KIAA0232: variants seen among roughly 807,000 people sequenced by gnomAD.
KIAA0232 encodes the protein KIAA0232.
A neutral mutation model predicts 122.0 loss-of-function variants in KIAA0232; 27 were observed. The observed-to-expected ratio is 0.22, with a 90% confidence interval of 0.16 to 0.31. KIAA0232 has a LOEUF of 0.31. KIAA0232 is among the 10% of genes least tolerant of loss of function. The pLI, the probability that KIAA0232 is intolerant of heterozygous loss-of-function variation, is 1.00. For synonymous variants in KIAA0232, 613 were observed against 587.6 expected (o/e 1.04, Z -0.63); for missense variants, 1,551 against 1,634.2 (o/e 0.95, Z 0.88).
At chr4:6,853,875 G>T (rs1040509435) in intron 4 of KIAA0232, among the ~76,000 whole-genome samples, 22 of 152,208 alleles carry the variant, frequency 1.4e-4, no homozygotes, top group African/African-American at 4.8e-4. Context: ...CCCTCATGAA[G>T]TAATAGGACA....
intron 3 of KIAA0232, among the ~76,000 whole-genome samples, chr4:6,841,776 A>G (rs1406577967): frequency 6.6e-6 from 1 of 152,250 alleles, no homozygotes; most frequent in Non-Finnish European, 1.5e-5. Flanking sequence ...ACCAAAAACT[A>G]TAAAGCATCT....
At chr4:6,795,692 A>T (rs774241768) in intron 1 of KIAA0232, among the ~76,000 whole-genome samples, 6 of 152,182 alleles carry the variant, frequency 3.9e-5, no homozygotes, top group Non-Finnish European at 7.4e-5. Flanking sequence ...TCCCAGGCTC[A>T]AGTAGTCCTC....
chr4:6,798,079 A>G (rs1236885314), intron 1 of KIAA0232, among the ~76,000 whole-genome samples: 1 of 151,994 alleles, frequency 6.6e-6, no homozygotes, highest in Admixed American at 6.6e-5. Flanking sequence ...AAAGAGAGAC[A>G]TAAAAATGTT....
rs750034340 is a variant in KIAA0232 at position 6,861,333 on chromosome 4, C to A, written c.951C>A (p.His317Gln). ...KASMKYVKVR[H>Q]KAREIRNKKG... ...CCATGAAGTATGTTAAAGTAAGACA[C>A]AAGGCACGAGAGATTCGAAACAAAA... Residue 317 changes from histidine (H) to glutamine (Q), a missense_variant, in exon 7 of 10, where the codon CAC becomes CAA. His to Gln is a conservative substitution (Grantham distance 24, BLOSUM62 0). Transcript: ENST00000307659. 3 of 1,614,016 alleles carry A rather than the reference C, an allele frequency of 1.9e-6. No homozygotes were observed. The highest frequency in any genetic ancestry group is 2.2e-5 in the South Asian group (2 of 91,072).
At chr4:6,859,100 T>TAAA (rs34866239) in intron 6 of KIAA0232, among the ~76,000 whole-genome samples, 7 of 106,268 alleles carry the variant, frequency 6.6e-5, no homozygotes, top group East Asian at 2.6e-4. Flanking sequence ...TCTGTCTTAT[T>TAAA]AAAAAAAAAA....
At chr4:6,783,436 G>C (rs1241015393) in intron 1 of KIAA0232, among the ~76,000 whole-genome samples, 19 of 152,202 alleles carry the variant, frequency 1.2e-4, no homozygotes, top group Non-Finnish European at 2.2e-4. Context: ...GCTTAGACTT[G>C]ATAGGACGTA....
At chr4:6,875,683 G>T (rs1721713258) in intron 8 of KIAA0232, among the ~76,000 whole-genome samples, 1 of 152,210 alleles carries the variant, frequency 6.6e-6, no homozygotes, top group Non-Finnish European at 1.5e-5. Flanking sequence ...TGTGGCAGGG[G>T]ATGGGGGGTG....
At chr4:6,860,468 AC>A (rs1720794429) in intron 6 of KIAA0232, among the ~76,000 whole-genome samples, 1 of 152,340 alleles carries the variant, frequency 6.6e-6, no homozygotes, top group East Asian at 1.9e-4. Context: ...TCATAGGATC[AC>A]CATTTTGCAG....
At chr4:6,813,386 G>A (rs1381335644) in intron 2 of KIAA0232, among the ~76,000 whole-genome samples, 22 of 148,942 alleles carry the variant, frequency 1.5e-4, no homozygotes, top group African/African-American at 5.2e-4. Context: ...TTTTTGAGAC[G>A]GAGTCTCGCT....
intron 4 of KIAA0232, among the ~76,000 whole-genome samples, chr4:6,842,748 G>A (rs958671441): frequency 6.6e-6 from 1 of 152,008 alleles, no homozygotes; most frequent in African/African-American, 2.4e-5. Flanking sequence ...ACCATGCCTG[G>A]CTAATTTTTT....
intron 8 of KIAA0232, among the ~76,000 whole-genome samples, chr4:6,873,225 C>T (rs977047782): frequency 8.5e-5 from 13 of 152,250 alleles, no homozygotes; most frequent in Admixed American, 6.5e-4. Flanking sequence ...GTAATTTGCC[C>T]GAAATCACAC....
At chr4:6,784,371 A>G (rs1206457170) in intron 1 of KIAA0232, among the ~76,000 whole-genome samples, 1 of 152,036 alleles carries the variant, frequency 6.6e-6, no homozygotes, top group Admixed American at 6.6e-5. Flanking sequence ...TCCTATGCAA[A>G]ATAAGACCCG....
intron 3 of KIAA0232, among the ~76,000 whole-genome samples, chr4:6,832,784 T>C (rs1015089349): frequency 3.3e-5 from 5 of 152,186 alleles, no homozygotes; most frequent in Non-Finnish European, 7.3e-5. Context: ...CTGTGACTTG[T>C]GTGTAGGAGG....
At chr4:6,866,780 G>A (rs1721209652) in intron 7 of KIAA0232, among the ~76,000 whole-genome samples, 1 of 152,196 alleles carries the variant, frequency 6.6e-6, no homozygotes, top group African/African-American at 2.4e-5. Context: ...CTGTTTACAT[G>A]CCTGTTGCTA....
chr4:6,807,825 G>A (rs1419403979), intron 2 of KIAA0232, among the ~76,000 whole-genome samples: 2 of 152,208 alleles, frequency 1.3e-5, no homozygotes, highest in African/African-American at 4.8e-5. Flanking sequence ...TGTAATCCCA[G>A]CACTTTGGGA....
chr4:6,824,725 T>TA, intron 3 of KIAA0232, 41 bp downstream of exon 3: 1 of 1,521,432 alleles, frequency 6.6e-7, no homozygotes, highest in Non-Finnish European at 9.1e-7. Context: ...ACTGATTGTA[T>TA]CTGTATGTAT....
intron 4 of KIAA0232, among the ~76,000 whole-genome samples, chr4:6,853,846 T>C (rs993060803): frequency 6.6e-6 from 1 of 152,150 alleles, no homozygotes; most frequent in Non-Finnish European, 1.5e-5. Flanking sequence ...GATAGGAATT[T>C]GTCAGGGAAC....
rs1720518351 is a variant in KIAA0232, at chr4:6,855,392, T to G, written c.370-1772T>G. On this transcript the variant is annotated intron_variant, in intron 4 of 9. Transcript: ENST00000307659. The surrounding 1 kb of genome is among the most constrained non-coding windows in gnomAD (Gnocchi z 4.3). ...TGTGAGCCGCTGCGCCCAGCTGATT[T>G]TTTAAAAAAATATATAAGATGCTAC... 6.6e-6 allele frequency among the ~76,000 whole-genome samples: 1 copy of G among 151,984 alleles called. No individual in the cohort carries two copies. The highest frequency in any genetic ancestry group is 6.6e-5 in the Admixed American group (1 of 15,260).
At chr4:6,850,324 T>G (rs1049006609) in intron 4 of KIAA0232, among the ~76,000 whole-genome samples, 2 of 152,172 alleles carry the variant, frequency 1.3e-5, no homozygotes, top group Non-Finnish European at 2.9e-5. Context: ...ACTTTCCTGG[T>G]CATCCCTCTC....
Sources: gnomAD v4.1 joint callset for allele counts (sites outside exome capture counted in the v4.1 genomes callset) on GRCh38, gnomAD v4.1.1 for gene constraint, Gnocchi (gnomAD v3.1) non-coding constraint, MANE v1.5 for transcripts, NCBI Gene and HGNC (gene_info 2026-07-23, HGNC 2026-07-21) for gene names.